Variants in NEURL1 observed in about 807,000 individuals in gnomAD.
NEURL1 encodes neuralized E3 ubiquitin protein ligase 1.
Under a neutral mutation model 41.2 loss-of-function variants are expected in NEURL1, and 26 were observed. The observed-to-expected ratio is 0.63, with a 90% CI of 0.46 to 0.87. NEURL1 has a LOEUF of 0.87. Ranked by LOEUF, NEURL1 falls within the 40% of genes least tolerant of loss-of-function variation. The probability of loss-of-function intolerance (pLI) is 0.00; values close to 1 mark genes in which losing one functional copy is unlikely to be tolerated. For synonymous variants in NEURL1, 400 were observed against 402.3 expected (o/e 0.99, Z 0.07); for missense variants, 761 against 871.1 (o/e 0.87, Z 1.59).
chr10:103,584,816 G>A lies in NEURL1; in HGVS notation c.930G>A (p.Glu310=). The change falls in exon 4 of 6, where the codon GAG becomes GAA. Residue 310 remains glutamate, a synonymous_variant. Transcript: ENST00000369780. The stretch of plus-strand genomic sequence containing the variant: ...GCGCGCACGTCCGCATCCTCGACGA[G>A]CAGACGGTGGCGCGCGTGGAGCACG... The part of the protein sequence containing the change: ...RAGAHVRILD[E]QTVARVEHGR... 1 of 1,422,398 alleles carries A rather than the reference G, an allele frequency of 7.0e-7. No individual in the cohort carries two copies. Among genetic ancestry groups the A allele is most frequent in the Non-Finnish European group, 9.1e-7 (1 of 1,095,482 alleles). The allele number at this position is 1,422,398 out of a possible 1,614,324, so 88.1% of individuals were successfully genotyped here.
At position 103,591,396 on chromosome 10, in the gene NEURL1, AATTT is replaced by A. The variant is rs1446944359; in HGVS notation, c.*1033_*1036del. 1 of 151,856 alleles carries A rather than the reference AATTT, an allele frequency of 6.6e-6. No homozygotes were observed. The highest frequency in any genetic ancestry group is 1.5e-5 in the Non-Finnish European group (1 of 68,038). 9.4% of individuals were successfully genotyped at this position (151,856 alleles called of 1,614,324 possible). The stretch of plus-strand genomic sequence containing the variant: ...ACCAGCCTTTTTCCTCAGTTTAATT[AATTT>A]ATTTATTTGGTTTGTGGTTTTGGGT... On this transcript the variant is annotated 3_prime_UTR_variant, in exon 6 of 6. Coordinates refer to ENST00000369780, the MANE Select transcript of NEURL1 (RefSeq NM_004210.5).
intron 1 of NEURL1, among the ~76,000 whole-genome samples, chr10:103,496,835 G>T (rs558124001): frequency 5.8e-4 from 89 of 152,290 alleles, no homozygotes; most frequent in African/African-American, 2.1e-3. Context: ...TCCTGAGAAG[G>T]TCTTGCTCCA....
intron 4 of NEURL1, 100 bp downstream of exon 4, chr10:103,585,325 A>G: frequency 9.1e-7 from 1 of 1,097,952 alleles, no homozygotes; most frequent in Non-Finnish European, 1.2e-6. Flanking sequence ...CAGGCTCATG[A>G]TGGTGTTGCT....
At chr10:103,503,767 C>T (rs1432448107) in intron 1 of NEURL1, among the ~76,000 whole-genome samples, 1 of 148,330 alleles carries the variant, frequency 6.7e-6, no homozygotes, top group Non-Finnish European at 1.5e-5. Context: ...TGTGCTAGAG[C>T]TCATGCTGTG....
intron 1 of NEURL1, chr10:103,548,995 C>T (rs2034981393): frequency 6.6e-6 from 1 of 152,300 alleles, no homozygotes; most frequent in African/African-American, 2.4e-5. Flanking sequence ...GCTAGGGACT[C>T]AGTGGGTGTG....
chr10:103,571,489 C>G lies in NEURL1; in HGVS notation c.328-12C>G. On this transcript the variant is annotated splice_polypyrimidine_tract_variant and intron_variant, in intron 2 of 5. Transcript: ENST00000369780. The stretch of plus-strand genomic sequence containing the variant: ...GGGAGAGGGTGGGCTGAGGCCACCC[C>G]CTGCCACCCAGATCACCAAGAAGCA... 3 of 1,590,492 alleles carry G rather than the reference C, an allele frequency of 1.9e-6. No homozygotes were observed. Among genetic ancestry groups the G allele is most frequent in the Non-Finnish European group, 2.6e-6 (3 of 1,173,390 alleles).
chr10:103,498,059 A>G (rs2033728807), intron 1 of NEURL1, among the ~76,000 whole-genome samples: 1 of 152,152 alleles, frequency 6.6e-6, no homozygotes, highest in Non-Finnish European at 1.5e-5. Context: ...TATTACATGA[A>G]ATAGAAAGTA....
rs575431040 is a variant in NEURL1, at chr10:103,556,182, C to A, written c.86-14690C>A. Among the ~76,000 whole-genome samples the A allele has an allele frequency of 1.3e-5, 2 of 152,340 alleles. No individual in the cohort carries two copies. Among genetic ancestry groups the A allele is most frequent in the Admixed American group, 1.3e-4 (2 of 15,308 alleles). ...AAGAGAGGGGGCCACTGGCTGGCTCCCCATTTGCAGAGCTCCTGCTTGCTC... is the reference window on the plus strand; with the variant it reads ...AAGAGAGGGGGCCACTGGCTGGCTCACCATTTGCAGAGCTCCTGCTTGCTC... On this transcript the variant is annotated intron_variant, in intron 1 of 5. Transcript: ENST00000369780. This position sits in a 1 kb window ranked among gnomAD's most constrained non-coding sequence, Gnocchi z 4.4.
At position 103,570,884 on chromosome 10, in the gene NEURL1, G is replaced by C; in HGVS notation, c.98G>C (p.Gly33Ala). The stretch of plus-strand genomic sequence containing the variant: ...TGTTCCTTTGCAGACTCTATCGGGG[G>C]CCCCTTCCCCGTCACTTCTCACCGA... The part of the protein sequence containing the change: ...HPQNLKDSIG[G>A]PFPVTSHRCH... The change falls in exon 2 of 6, where the codon GGC (glycine) becomes GCC (alanine). Residue 33 changes from glycine (G) to alanine (A), a missense_variant. This residue lies in a region of NEURL1 where 94 missense variants were observed against 96.6 expected (regional missense o/e 0.97). Coordinates refer to ENST00000369780, the MANE Select transcript of NEURL1 (RefSeq NM_004210.5). 1 of 1,613,220 alleles carries C rather than the reference G, an allele frequency of 6.2e-7. No individual in the cohort carries two copies. Among genetic ancestry groups the C allele is most frequent in the South Asian group, 1.1e-5 (1 of 91,024 alleles).
chr10:103,565,825 A>G (rs2035411825), intron 1 of NEURL1, among the ~76,000 whole-genome samples: 1 of 151,698 alleles, frequency 6.6e-6, no homozygotes, highest in Admixed American at 6.6e-5. Context: ...TAAGTTTTGT[A>G]GTTTTTTTGT....
At chr10:103,531,233 G>A (rs2034563885) in intron 1 of NEURL1, among the ~76,000 whole-genome samples, 1 of 151,928 alleles carries the variant, frequency 6.6e-6, no homozygotes, top group Admixed American at 6.6e-5. Flanking sequence ...AAAAAAATGT[G>A]TTCTAGAGCT....
intron 1 of NEURL1, among the ~76,000 whole-genome samples, chr10:103,554,683 C>T (rs1040289930): frequency 6.6e-6 from 1 of 152,210 alleles, no homozygotes; most frequent in African/African-American, 2.4e-5. Context: ...CTGACCTCAT[C>T]ATTCAGCCTG....
chr10:103,504,625 C>T (rs1039959035), intron 1 of NEURL1, among the ~76,000 whole-genome samples: 50 of 152,202 alleles, frequency 3.3e-4, no homozygotes, highest in African/African-American at 1.2e-3. Context: ...TCCTCCCTTT[C>T]TATTGCATTC....
intron 1 of NEURL1, among the ~76,000 whole-genome samples, chr10:103,498,521 A>G (rs933915467): frequency 6.6e-6 from 1 of 152,140 alleles, no homozygotes; most frequent in African/African-American, 2.4e-5. Context: ...CCACCGCGCC[A>G]GGCCCATTGT....
intron 1 of NEURL1, among the ~76,000 whole-genome samples, chr10:103,510,060 C>T (rs746377649): frequency 6.6e-6 from 1 of 152,104 alleles, no homozygotes; most frequent in African/African-American, 2.4e-5. Flanking sequence ...GAGCTAGAAC[C>T]TCCTTCCTCT....
At chr10:103,581,514 C>T (rs577987586) in intron 3 of NEURL1, among the ~76,000 whole-genome samples, 2 of 152,246 alleles carry the variant, frequency 1.3e-5, no homozygotes, top group East Asian at 1.9e-4. Flanking sequence ...GCTATTTGTC[C>T]AGTCATATAG....
At chr10:103,519,928 C>T (rs954381161) in intron 1 of NEURL1, among the ~76,000 whole-genome samples, 1 of 151,872 alleles carries the variant, frequency 6.6e-6, no homozygotes, top group African/African-American at 2.4e-5. Flanking sequence ...AGACTACAGG[C>T]ATGTACCAGC....
chr10:103,497,026 C>A (rs945134051), intron 1 of NEURL1, among the ~76,000 whole-genome samples: 4 of 152,118 alleles, frequency 2.6e-5, no homozygotes, highest in South Asian at 4.1e-4. Context: ...CCCTACTAAG[C>A]CTGAAATGAA....
At chr10:103,498,768 G>A (rs2986048) in intron 1 of NEURL1, among the ~76,000 whole-genome samples, 121,073 of 152,204 alleles carry the variant, frequency 0.8, 48,383 homozygotes, top group East Asian at 1. Flanking sequence ...TATTCCAGGC[G>A]TTTAATATAC....
Sources: allele counts gnomAD v4.1 joint callset (sites outside exome capture counted in the v4.1 genomes callset), GRCh38; gene constraint gnomAD v4.1.1; regional missense constraint gnomAD v4.1.1; non-coding constraint Gnocchi (gnomAD v3.1); transcripts MANE v1.5; gene names NCBI Gene and HGNC (gene_info 2026-07-23, HGNC 2026-07-21).